Variants in GCH1 observed in about 807,000 individuals in gnomAD.
The protein encoded by GCH1 is GTP cyclohydrolase I.
In GCH1, 5 loss-of-function variants were observed where a neutral mutation model predicts 25.9. The observed-to-expected ratio is 0.19, with a 90% CI of 0.10 to 0.41. The LOEUF (loss-of-function observed/expected upper bound fraction) is 0.41, where lower values mean the gene tolerates loss of function less well. Among genes scored for constraint, GCH1 ranks in the 10% least tolerant of loss-of-function variants. The probability of loss-of-function intolerance (pLI) is 1.00; values close to 1 mark genes in which losing one functional copy is unlikely to be tolerated. For synonymous variants in GCH1, 159 were observed against 129.6 expected (o/e 1.23, Z -1.54); for missense variants, 261 against 336.5 (o/e 0.78, Z 1.75).
intron 1 of GCH1, among the ~76,000 whole-genome samples, chr14:54,882,667 C>CAG (rs2140102301): frequency 6.6e-6 from 1 of 151,562 alleles, no homozygotes; most frequent in East Asian, 1.9e-4. Flanking sequence ...AGCAGTTCTA[C>CAG]AGAAAAAAAA....
rs41298436 is a variant in GCH1, at chr14:54,847,043, TA to T, written c.541+55del. 0.018 allele frequency: 12,727 copies of T among 722,156 alleles called. 155 individuals carry two copies. Among genetic ancestry groups the T allele is most frequent in the Non-Finnish European group, 0.023 (9,862 of 429,728 alleles). The allele number at this position is 722,156 out of a possible 1,614,324, so 44.7% of individuals were successfully genotyped here. ...AGACTCTGTCTCAAAAATAAAAATT[TA>T]AAAAAAGAAAAAAAAGAAAAATGTT... On this transcript the variant is annotated intron_variant, in intron 4 of 5. Coordinates refer to ENST00000491895, the MANE Select transcript of GCH1 (RefSeq NM_000161.3).
intron 3 of GCH1, 106 bp from the exon 4 acceptor site, chr14:54,847,236 A>C (rs1164545706): frequency 1.8e-6 from 1 of 556,338 alleles, no homozygotes; most frequent in East Asian, 3.4e-5. Flanking sequence ...GTGGGCTGCA[A>C]GAGGAAATAA....
At chr14:54,866,358 T>A (rs2039989631) in intron 1 of GCH1, among the ~76,000 whole-genome samples, 1 of 151,964 alleles carries the variant, frequency 6.6e-6, no homozygotes, top group Admixed American at 6.6e-5. Context: ...ACATTGTAGA[T>A]AAATGCCATA....
chr14:54,892,463 C>T (rs560743832), intron 1 of GCH1, among the ~76,000 whole-genome samples: 3 of 152,124 alleles, frequency 2.0e-5, no homozygotes, highest in Non-Finnish European at 4.4e-5. Flanking sequence ...CAGAAACGGG[C>T]GGATCATCTG....
In GCH1 at chr14:54,883,340, C is replaced by G. The variant is rs368702182; in HGVS notation, c.344-17904G>C. On this transcript the variant is annotated intron_variant, in intron 1 of 5. Coordinates refer to ENST00000491895, the MANE Select transcript of GCH1 (RefSeq NM_000161.3). ...TGAGCAGAGATTGCGCCGCTGCGCT[C>G]TAGCCTGGGCGACAGAGTGAGACTC... Among the ~76,000 whole-genome samples, 7 of 128,708 alleles carry G rather than the reference C, an allele frequency of 5.4e-5. No individual in the cohort carries two copies. The East Asian group carries it at 1.5e-3, about 27-fold the overall frequency. The allele number at this position is 128,708 out of a possible 152,430, so 84.4% of individuals were successfully genotyped here. A position where few individuals can be genotyped will look rare whatever the true frequency, so the allele number is the denominator to read the frequency against.
intron 1 of GCH1, chr14:54,885,603 G>GC (rs1199990684): frequency 5.2e-6 from 2 of 387,104 alleles, no homozygotes; most frequent in Non-Finnish European, 1.0e-5. Flanking sequence ...AAGAAAGCTT[G>GC]CAGCACAAGG....
intron 1 of GCH1, among the ~76,000 whole-genome samples, chr14:54,873,257 C>A (rs931605362): frequency 2.0e-5 from 3 of 152,054 alleles, no homozygotes; most frequent in Non-Finnish European, 4.4e-5. Flanking sequence ...GGGTACATAA[C>A]GAAATGAAGG....
At position 54,842,706 on chromosome 14, in the gene GCH1, C is replaced by T; in HGVS notation, c.*1311G>A. 6.9e-6 allele frequency: 2 copies of T among 289,750 alleles called. No homozygotes were observed. The highest frequency in any genetic ancestry group is 1.5e-4 in the South Asian group (1 of 6,466). 17.9% of individuals were successfully genotyped at this position (289,750 alleles called of 1,614,324 possible). ...ATGAATTTGAAGAGCACTATGTCAA[C>T]CAAATACTAAACTTCATGGAATAAC... is the stretch of plus-strand genomic sequence containing the variant. On this transcript the variant is annotated 3_prime_UTR_variant, in exon 6 of 6. Coordinates refer to ENST00000491895, the MANE Select transcript of GCH1 (RefSeq NM_000161.3).
In GCH1 at chr14:54,843,460, A is replaced by C. The variant is rs1388049888; in HGVS notation, c.*557T>G. On this transcript the variant is annotated 3_prime_UTR_variant, in exon 6 of 6. Transcript: ENST00000491895. ...AAATCAAAAACATAGACATTCCACCACCTTCCCTTGGTGACTAACATTACG... is the reference window on the plus strand; with the variant it reads ...AAATCAAAAACATAGACATTCCACCCCCTTCCCTTGGTGACTAACATTACG... 1.3e-5 allele frequency: 16 copies of C among 1,239,900 alleles called. No homozygotes were observed. Among genetic ancestry groups the C allele is most frequent in the African/African-American group, 1.5e-5 (1 of 64,840 alleles). 76.8% of individuals were successfully genotyped at this position (1,239,900 alleles called of 1,614,324 possible).
chr14:54,849,823 T>C (rs112609579), intron 3 of GCH1, among the ~76,000 whole-genome samples: 11,985 of 152,286 alleles, frequency 0.079, 675 homozygotes, highest in Non-Finnish European at 0.11. Flanking sequence ...TCTTTAGACC[T>C]TTCTTCCCAA....
chr14:54,892,264 C>T (rs1236504968), intron 1 of GCH1, among the ~76,000 whole-genome samples: 4 of 152,146 alleles, frequency 2.6e-5, no homozygotes, highest in Non-Finnish European at 4.4e-5. Context: ...GTACTACCCT[C>T]AGTTTCAGGC....
chr14:54,859,871 T>C, intron 2 of GCH1, 135 bp from the exon 3 acceptor site: 1 of 688,746 alleles, frequency 1.5e-6, no homozygotes. Flanking sequence ...TGAAAACATC[T>C]GGAACTGTTA....
rs1259947106 is a variant in GCH1, at chr14:54,860,542, T to C, written c.454-806A>G. 4.1e-5 allele frequency among the ~76,000 whole-genome samples: 6 copies of C among 148,058 alleles called. No individual in the cohort carries two copies. In the East Asian group the frequency reaches 9.8e-4, roughly 24 times the overall value. On this transcript the variant is annotated intron_variant, in intron 2 of 5. Coordinates refer to ENST00000491895, the MANE Select transcript of GCH1 (RefSeq NM_000161.3). ...GCTAGAGAGTGCACCATCTTCCTTT[T>C]TTTTTTTTTTTTTTTTGAGATGGAG...
intron 3 of GCH1, among the ~76,000 whole-genome samples, chr14:54,849,784 C>T (rs577678899): frequency 6.6e-6 from 1 of 152,292 alleles, no homozygotes; most frequent in Non-Finnish European, 1.5e-5. Context: ...ATATTTTCTA[C>T]CTGTCTTTGC....
chr14:54,899,871 T>G (rs2040538828), intron 1 of GCH1, among the ~76,000 whole-genome samples: 1 of 151,692 alleles, frequency 6.6e-6, no homozygotes, highest in Non-Finnish European at 1.5e-5. Context: ...CCATGGACTT[T>G]TTTTTTTTTT....
chr14:54,849,522 T>C (rs1281721953), intron 3 of GCH1, among the ~76,000 whole-genome samples: 2 of 152,236 alleles, frequency 1.3e-5, no homozygotes, highest in Non-Finnish European at 2.9e-5. Flanking sequence ...CTTTGGCTGC[T>C]TTTATATTAA....
rs1473258167 is a variant in GCH1, at chr14:54,842,892, A to T, written c.*1125T>A. ...CGGAGTTACAATGAGGACAAGACCC[A>T]CATAGACCACAAAGGAAACCGGGAC... On this transcript the variant is annotated 3_prime_UTR_variant, in exon 6 of 6. Coordinates refer to ENST00000491895, the MANE Select transcript of GCH1 (RefSeq NM_000161.3). 1.9e-5 allele frequency: 11 copies of T among 589,476 alleles called. No homozygotes were observed. The East Asian group carries it at 3.1e-4, about 17-fold the overall frequency. The allele number at this position is 589,476 out of a possible 1,614,324, so 36.5% of individuals were successfully genotyped here. A position where few individuals can be genotyped will look rare whatever the true frequency, so the allele number is the denominator to read the frequency against.
At chr14:54,847,748 G>A (rs1201911279) in intron 3 of GCH1, among the ~76,000 whole-genome samples, 4 of 152,194 alleles carry the variant, frequency 2.6e-5, no homozygotes, top group African/African-American at 9.6e-5. Context: ...CCACTGCAGA[G>A]TGGTGCTTCC....
At chr14:54,866,834 G>A (rs562903700) in intron 1 of GCH1, among the ~76,000 whole-genome samples, 7 of 152,238 alleles carry the variant, frequency 4.6e-5, no homozygotes, top group South Asian at 2.1e-4. Flanking sequence ...CAAGAAAGGC[G>A]AACATGGCAG....
Sources: allele counts gnomAD v4.1 joint callset (sites outside exome capture counted in the v4.1 genomes callset), GRCh38; gene constraint gnomAD v4.1.1; transcripts MANE v1.5; gene names NCBI Gene and HGNC (gene_info 2026-07-23, HGNC 2026-07-21).